Variants in PKN2 observed in about 807,000 individuals in gnomAD.
PKN2 encodes serine/threonine-protein kinase N2.
PKN2 carries 38 observed loss-of-function variants against 119.1 expected under a neutral mutation model. That is an observed-to-expected ratio of 0.32 (90% CI 0.25 to 0.42). PKN2 has a LOEUF of 0.42. Ranked by LOEUF, PKN2 falls within the 10% of genes least tolerant of loss-of-function variation. The pLI, the probability that PKN2 is intolerant of heterozygous loss-of-function variation, is 1.00. For synonymous variants in PKN2, 390 were observed against 384.9 expected, an observed-to-expected ratio of 1.01 and a Z score of -0.15; for missense variants, 850 against 1,165.1, an observed-to-expected ratio of 0.73 and a Z score of 3.94.
At position 88,836,232 on chromosome 1, in the gene PKN2, A is replaced by T. The variant is rs1672939958; in HGVS notation, c.*2784A>T. 1 of 152,170 alleles carries T rather than the reference A, an allele frequency of 6.6e-6. No homozygotes were observed. Among genetic ancestry groups the T allele is most frequent in the African/African-American group, 2.4e-5 (1 of 41,458 alleles). 9.4% of individuals were successfully genotyped at this position (152,170 alleles called of 1,614,324 possible). ...TAGGACCTGGCTTCTCAAAAAGGCA[A>T]ATGAATAAAACAGAATACTAGTATT... On this transcript the variant is annotated 3_prime_UTR_variant, in exon 22 of 22. Transcript: ENST00000370521.
At chr1:88,741,367 G>C in intron 2 of PKN2, 79 bp downstream of exon 2, 1 of 932,296 alleles carries the variant, frequency 1.1e-6, no homozygotes, top group Non-Finnish European at 1.5e-6. Context: ...GTAAGTTTGG[G>C]GACATGAATA....
At chr1:88,784,549 T>TTA in intron 6 of PKN2, 90 bp from the exon 7 acceptor site, 1 of 729,898 alleles carries the variant, frequency 1.4e-6, no homozygotes, top group Non-Finnish European at 2.0e-6. Context: ...AGATTTTTTT[T>TTA]TTCTTTTTTT....
chr1:88,820,722 G>A (rs1672246508), intron 16 of PKN2, among the ~76,000 whole-genome samples: 1 of 152,050 alleles, frequency 6.6e-6, no homozygotes, highest in African/African-American at 2.4e-5. Context: ...GATGGAGATA[G>A]ATGGATTAAA....
chr1:88,802,234 T>C (rs1412928413), intron 8 of PKN2, among the ~76,000 whole-genome samples: 1 of 152,198 alleles, frequency 6.6e-6, no homozygotes, highest in African/African-American at 2.4e-5. Flanking sequence ...CATAAAACTT[T>C]AATGTAGAGT....
chr1:88,819,837 G>A (rs1002932775), intron 16 of PKN2, among the ~76,000 whole-genome samples: 1 of 152,052 alleles, frequency 6.6e-6, no homozygotes, highest in Non-Finnish European at 1.5e-5. Context: ...CATAAAAAAT[G>A]ATGAGTTCAT....
intron 1 of PKN2, among the ~76,000 whole-genome samples, chr1:88,711,569 A>G (rs1002203190): frequency 3.3e-5 from 5 of 152,214 alleles, no homozygotes; most frequent in Non-Finnish European, 7.4e-5. Flanking sequence ...TTGACTTCAT[A>G]TTAATGAGGT....
chr1:88,803,184 A>G lies in PKN2; in HGVS notation c.1282-1207A>G, dbSNP rs574487809. Among the ~76,000 whole-genome samples the G allele has an allele frequency of 1.1e-4, 17 of 152,334 alleles. No homozygotes were observed. In the East Asian group the frequency reaches 3.3e-3, roughly 29 times the overall value. On this transcript the variant is annotated intron_variant, in intron 8 of 21. Transcript: ENST00000370521. ...GCCCTGAGATCACATTCTCACTGCC[A>G]TAGACGTATTTTTCTAATTCTTTTC...
At chr1:88,806,147 T>G (rs892912022) in intron 12 of PKN2, 130 bp downstream of exon 12, 3 of 863,636 alleles carry the variant, frequency 3.5e-6, no homozygotes, top group South Asian at 1.7e-5. Context: ...TTTTTGTTTG[T>G]TTTTTGTTTT....
chr1:88,820,346 C>A (rs1672225127), intron 16 of PKN2, among the ~76,000 whole-genome samples: 1 of 149,680 alleles, frequency 6.7e-6, no homozygotes, highest in Non-Finnish European at 1.5e-5. Flanking sequence ...ACCAGCCTGA[C>A]CACATGGAGA....
intron 8 of PKN2, among the ~76,000 whole-genome samples, chr1:88,787,569 AC>A (rs1277233255): frequency 6.6e-6 from 1 of 152,210 alleles, no homozygotes; most frequent in Non-Finnish European, 1.5e-5. Context: ...TAACAGTAGC[AC>A]AGAGGAGGAA....
chr1:88,782,235 G>A (rs138452963), intron 6 of PKN2, among the ~76,000 whole-genome samples: 4 of 152,046 alleles, frequency 2.6e-5, no homozygotes, highest in African/African-American at 9.6e-5. Flanking sequence ...GCTACTTTTA[G>A]TGTTTCTTGT....
At chr1:88,685,534 AT>A (rs1181914936) in intron 1 of PKN2, among the ~76,000 whole-genome samples, 1 of 152,200 alleles carries the variant, frequency 6.6e-6, no homozygotes, top group Non-Finnish European at 1.5e-5. Flanking sequence ...ATATTTGATA[AT>A]GTAGGCACGA....
chr1:88,692,245 G>A (rs573634553), intron 1 of PKN2, among the ~76,000 whole-genome samples: 7 of 151,450 alleles, frequency 4.6e-5, no homozygotes, highest in Non-Finnish European at 1.0e-4. Flanking sequence ...GTGGATATTT[G>A]GATATTTATC....
Position 88,684,370 on chromosome 1 carries a change from G to T in PKN2, c.-211G>T, listed in dbSNP as rs1665978115. Reference sequence around the variant, plus strand: ...AGTCCGGTGAGGGCGGCGAGAGGAAGCCCGCTACGAGTGCCCTAGCTCCCC... The same window carrying T: ...AGTCCGGTGAGGGCGGCGAGAGGAATCCCGCTACGAGTGCCCTAGCTCCCC... On this transcript the variant is annotated 5_prime_UTR_variant, in exon 1 of 22. Coordinates refer to ENST00000370521, the MANE Select transcript of PKN2 (RefSeq NM_006256.4). 1 of 489,008 alleles carries T rather than the reference G, an allele frequency of 2.0e-6. No homozygotes were observed. Among genetic ancestry groups the T allele is most frequent in the Non-Finnish European group, 3.6e-6 (1 of 276,302 alleles). The allele number at this position is 489,008 out of a possible 1,614,324, so 30.3% of individuals were successfully genotyped here. A position where few individuals can be genotyped will look rare whatever the true frequency, so the allele number is the denominator to read the frequency against.
At chr1:88,752,249 T>A (rs1669031832) in intron 2 of PKN2, among the ~76,000 whole-genome samples, 2 of 152,270 alleles carry the variant, frequency 1.3e-5, no homozygotes, top group South Asian at 4.1e-4. Flanking sequence ...AATATTGTGT[T>A]TCTAATTTTG....
chr1:88,709,299 C>T (rs1391240962), intron 1 of PKN2, among the ~76,000 whole-genome samples: 1 of 152,124 alleles, frequency 6.6e-6, no homozygotes, highest in Non-Finnish European at 1.5e-5. Flanking sequence ...TAGTAATCCA[C>T]CTGCCTTAGC....
chr1:88,687,056 A>G (rs1274440770), intron 1 of PKN2, among the ~76,000 whole-genome samples: 1 of 152,126 alleles, frequency 6.6e-6, no homozygotes, highest in African/African-American at 2.4e-5. Context: ...AATAAAATTG[A>G]TATTTATTTA....
intron 15 of PKN2, among the ~76,000 whole-genome samples, chr1:88,811,416 C>T (rs1443569513): frequency 1.3e-5 from 2 of 151,944 alleles, no homozygotes; most frequent in South Asian, 2.1e-4. Flanking sequence ...AGGAAGTACA[C>T]GAAACATGTT....
rs1672835830 is a variant in PKN2, at chr1:88,833,906, G to A, written c.*458G>A. On this transcript the variant is annotated 3_prime_UTR_variant, in exon 22 of 22. Transcript: ENST00000370521. ...ATGATTCTGTTTGAATAAGGCAAAT[G>A]CTCCTTTTTTTAAAAAAAAAGACAT... is the stretch of plus-strand genomic sequence containing the variant. The A allele has an allele frequency of 1.3e-5, 2 of 150,072 alleles. No individual in the cohort carries two copies. The highest frequency in any genetic ancestry group is 5.0e-5 in the African/African-American group (2 of 39,664). 9.3% of individuals were successfully genotyped at this position (150,072 alleles called of 1,614,324 possible). A position where few individuals can be genotyped will look rare whatever the true frequency, so the allele number is the denominator to read the frequency against.
Sources: gnomAD v4.1 joint callset for allele counts (sites outside exome capture counted in the v4.1 genomes callset) on GRCh38, gnomAD v4.1.1 for gene constraint, MANE v1.5 for transcripts, NCBI Gene and HGNC (gene_info 2026-07-23, HGNC 2026-07-21) for gene names.